The following PIK3R4 variants were observed in gnomAD, a reference collection of about 807,000 sequenced individuals.
PIK3R4 encodes the protein phosphoinositide-3-kinase regulatory subunit 4.
In PIK3R4, 46 loss-of-function variants were observed where a neutral mutation model predicts 136.5. That is an observed-to-expected ratio of 0.34 (90% confidence interval 0.27 to 0.43). PIK3R4 has a LOEUF of 0.43. Among genes scored for constraint, PIK3R4 ranks in the 20% least tolerant of loss-of-function variants. PIK3R4 has a pLI of 1.00. For missense variants in PIK3R4, 1,331 were observed against 1,649.5 expected, an observed-to-expected ratio of 0.81 and a Z score of 3.35; for synonymous variants, 557 against 566.7, an observed-to-expected ratio of 0.98 and a Z score of 0.24.
At chr3:130,711,284 C>A (rs2066631268) in intron 9 of PIK3R4, among the ~76,000 whole-genome samples, 1 of 152,068 alleles carries the variant, frequency 6.6e-6, no homozygotes, top group Non-Finnish European at 1.5e-5. Context: ...GCAGACAGGG[C>A]TACAATGCCT....
At chr3:130,716,976 G>A (rs2066668522) in intron 8 of PIK3R4, among the ~76,000 whole-genome samples, 1 of 152,176 alleles carries the variant, frequency 6.6e-6, no homozygotes, top group African/African-American at 2.4e-5. Context: ...ATGCTCAACA[G>A]CCACAGGTCT....
intron 9 of PIK3R4, among the ~76,000 whole-genome samples, chr3:130,709,877 A>C (rs2066625224): frequency 6.6e-6 from 1 of 152,154 alleles, no homozygotes; most frequent in Non-Finnish European, 1.5e-5. Context: ...TAAGGGAAAG[A>C]AAATAACTGC....
chr3:130,736,278 G>A (rs1416163620), intron 2 of PIK3R4, among the ~76,000 whole-genome samples: 2 of 152,134 alleles, frequency 1.3e-5, no homozygotes, highest in South Asian at 2.1e-4. Context: ...AATTTAAAAT[G>A]AATGTATAGG....
chr3:130,735,375 C>T (rs1264603520), intron 3 of PIK3R4, among the ~76,000 whole-genome samples: 1 of 152,180 alleles, frequency 6.6e-6, no homozygotes, highest in Non-Finnish European at 1.5e-5. Flanking sequence ...CACGCCCATT[C>T]TGCTATACTA....
At position 130,746,574 on chromosome 3, in the gene PIK3R4, G is replaced by C. The variant is rs1435395155; in HGVS notation, c.-303C>G. 1.3e-5 allele frequency: 2 copies of C among 152,236 alleles called. No individual in the cohort carries two copies. Among genetic ancestry groups the C allele is most frequent in the African/African-American group, 4.8e-5 (2 of 41,428 alleles). The allele number at this position is 152,236 out of a possible 1,614,324, so 9.4% of individuals were successfully genotyped here. On this transcript the variant is annotated 5_prime_UTR_variant, in exon 1 of 20. Transcript: ENST00000356763. ...CAGAGAGAAGAAGCCACGCTAAAGA[G>C]TCTCCACAAGTACCCCGGGATTTGA...
chr3:130,706,944 G>C lies in PIK3R4; in HGVS notation c.2721+4C>G, dbSNP rs371654843. The stretch of plus-strand genomic sequence containing the variant: ...GGAGGACTACTGACTGGGTGACACA[G>C]TACCTGTGAAGAAGTTGACAAAGGG... On this transcript the variant is annotated splice_donor_region_variant and intron_variant, in intron 11 of 19. Coordinates refer to ENST00000356763, the MANE Select transcript of PIK3R4 (RefSeq NM_014602.3). 2.5e-6 allele frequency: 4 copies of C among 1,604,468 alleles called. No homozygotes were observed. Among genetic ancestry groups the C allele is most frequent in the Non-Finnish European group, 3.4e-6 (4 of 1,175,900 alleles).
intron 11 of PIK3R4, 22 bp downstream of exon 11, chr3:130,706,926 T>C: frequency 6.3e-7 from 1 of 1,583,434 alleles, no homozygotes; most frequent in Non-Finnish European, 8.6e-7. Flanking sequence ...TTAGGAGGAC[T>C]ACTGACTGGG....
rs746519080 is a variant in PIK3R4 at position 130,733,842 on chromosome 3, G to A, written c.1156C>T (p.Leu386=). The change falls in exon 4 of 20, where the codon CTA becomes TTA. Residue 386 remains leucine, a synonymous_variant. Coordinates refer to ENST00000356763, the MANE Select transcript of PIK3R4 (RefSeq NM_014602.3). ...VILVSVITSC[L]QTLKYCDSKL... is the part of the protein sequence containing the mutation. ...GAATCACAGTATTTAAGGGTCTGTA[G>A]GCAGGATGTTATAACAGATACCAAG... 4.3e-6 allele frequency: 7 copies of A among 1,614,172 alleles called. No homozygotes were observed. The highest frequency in any genetic ancestry group is 5.1e-6 in the Non-Finnish European group (6 of 1,180,008).
intron 2 of PIK3R4, among the ~76,000 whole-genome samples, chr3:130,740,673 T>A (rs1277775459): frequency 6.6e-6 from 1 of 152,086 alleles, no homozygotes; most frequent in Non-Finnish European, 1.5e-5. Context: ...GAAGTTGCAA[T>A]GAGCCAAGAT....
In PIK3R4 at chr3:130,700,179, CTT is replaced by C. The variant is rs1173756495; in HGVS notation, c.3098+3542_3098+3543del. Among the ~76,000 whole-genome samples, 6 of 152,168 alleles carry C rather than the reference CTT, an allele frequency of 3.9e-5. No homozygotes were observed. In the East Asian group the frequency reaches 1.2e-3, roughly 29 times the overall value. On this transcript the variant is annotated intron_variant, in intron 13 of 19. Coordinates refer to ENST00000356763, the MANE Select transcript of PIK3R4 (RefSeq NM_014602.3). ...AACTTCCTAAGATTCAGACATCAGGCTTTTGTTGCCCTTCATATTCCCTTTAC... is the reference window on the plus strand; with the variant it reads ...AACTTCCTAAGATTCAGACATCAGGCTTGTTGCCCTTCATATTCCCTTTAC...
At chr3:130,722,089 T>C (rs553348402) in intron 7 of PIK3R4, among the ~76,000 whole-genome samples, 11 of 152,226 alleles carry the variant, frequency 7.2e-5, no homozygotes, top group Non-Finnish European at 1.6e-4. Context: ...AAAAACAGAA[T>C]GAGAGAGATG....
At chr3:130,730,135 G>C (rs1051291311) in intron 5 of PIK3R4, among the ~76,000 whole-genome samples, 173 bp downstream of exon 5, 1 of 152,162 alleles carries the variant, frequency 6.6e-6, no homozygotes. Context: ...TTTTGAGCAA[G>C]ATAACAGTAT....
At chr3:130,732,395 G>A (rs1013941438) in intron 4 of PIK3R4, among the ~76,000 whole-genome samples, 1 of 152,052 alleles carries the variant, frequency 6.6e-6, no homozygotes, top group Non-Finnish European at 1.5e-5. Context: ...CAAAAAGTAG[G>A]ATCATAAAAT....
chr3:130,681,169 C>T (rs530658625), intron 17 of PIK3R4, 104 bp from the exon 18 acceptor site: 2 of 748,160 alleles, frequency 2.7e-6, no homozygotes, highest in East Asian at 5.2e-5. Flanking sequence ...TTTACAAGCA[C>T]CTGGTTAACT....
intron 2 of PIK3R4, among the ~76,000 whole-genome samples, chr3:130,739,311 C>T (rs1318751896): frequency 1.3e-5 from 2 of 152,150 alleles, no homozygotes; most frequent in African/African-American, 4.8e-5. Flanking sequence ...CTCCTGACCT[C>T]GTGATCCACC....
At position 130,728,699 on chromosome 3, in the gene PIK3R4, A is replaced by AAAAAAAG; in HGVS notation, c.1586-16_1586-15insCTTTTTT. Reference sequence around the variant, plus strand: ...GGCTTGGAGCTCTAAAAAAAAAAAAAAAAGAAAGAAAGAAAGAAAGAAAAG... The same window carrying AAAAAAAG: ...GGCTTGGAGCTCTAAAAAAAAAAAAAAAAAAAGAAAGAAAGAAAGAAAGAAAGAAAAG... On this transcript the variant is annotated splice_polypyrimidine_tract_variant and intron_variant, in intron 5 of 19. Transcript: ENST00000356763. The AAAAAAAG allele has an allele frequency of 7.0e-7, 1 of 1,427,530 alleles. No homozygotes were observed. Among genetic ancestry groups the AAAAAAAG allele is most frequent in the Admixed American group, 2.3e-5 (1 of 43,326 alleles). The allele number at this position is 1,427,530 out of a possible 1,614,324, so 88.4% of individuals were successfully genotyped here.
chr3:130,711,546 GA>G (rs2066632601), intron 9 of PIK3R4, among the ~76,000 whole-genome samples: 1 of 152,170 alleles, frequency 6.6e-6, no homozygotes, highest in Non-Finnish European at 1.5e-5. Context: ...TATGCATAAG[GA>G]AACCACCTGA....
intron 6 of PIK3R4, 37 bp downstream of exon 6, chr3:130,728,426 T>C (rs747480379): frequency 6.0e-6 from 8 of 1,341,778 alleles, no homozygotes; most frequent in South Asian, 1.3e-5. Context: ...AGAGGATGAT[T>C]AAAAATCTTA....
intron 2 of PIK3R4, among the ~76,000 whole-genome samples, chr3:130,744,034 T>A (rs1274988800): frequency 6.6e-6 from 1 of 152,230 alleles, no homozygotes; most frequent in Non-Finnish European, 1.5e-5. Flanking sequence ...TAAAGAGGCC[T>A]TTCTTGATCC....
Sources: gnomAD v4.1 joint callset for allele counts (sites outside exome capture counted in the v4.1 genomes callset) on GRCh38, gnomAD v4.1.1 for gene constraint, MANE v1.5 for transcripts, NCBI Gene and HGNC (gene_info 2026-07-23, HGNC 2026-07-21) for gene names.